IL7: variants seen among roughly 807,000 people sequenced by gnomAD.
The protein encoded by IL7 is interleukin-7.
A neutral mutation model predicts 21.6 loss-of-function variants in IL7; 3 were observed. That is an observed-to-expected ratio of 0.14 (90% confidence interval 0.06 to 0.36). The LOEUF is 0.36. Among genes scored for constraint, IL7 ranks in the 10% least tolerant of loss-of-function variants. The pLI is 1.00. For missense variants in IL7, 175 were observed against 200.2 expected (o/e 0.87, Z 0.76); for synonymous variants, 62 against 68.1 (o/e 0.91, Z 0.44).
chr8:78,803,744 T>G (rs897315953), intron 1 of IL7, among the ~76,000 whole-genome samples: 1 of 152,214 alleles, frequency 6.6e-6, no homozygotes. Context: ...AAAATAGGGT[T>G]GTGCTCAATT....
intron 3 of IL7, among the ~76,000 whole-genome samples, chr8:78,724,417 A>G (rs1000308875): frequency 6.6e-6 from 1 of 151,938 alleles, no homozygotes; most frequent in Non-Finnish European, 1.5e-5. Flanking sequence ...TTAAAGCTTA[A>G]TTTTTTAAAA....
At chr8:78,689,391 A>T in intron 3 of IL7, 1 of 1,548,024 alleles carries the variant, frequency 6.5e-7, no homozygotes. Flanking sequence ...CAGTTTTAAT[A>T]ATTGCTATAA....
chr8:78,788,958 T>A (rs1481046290), intron 2 of IL7, among the ~76,000 whole-genome samples: 1 of 152,162 alleles, frequency 6.6e-6, no homozygotes, highest in East Asian at 1.9e-4. Context: ...TGGCCCTTTA[T>A]TATTATGTAA....
chr8:78,801,239 C>T (rs1814048209), intron 1 of IL7, among the ~76,000 whole-genome samples: 1 of 152,102 alleles, frequency 6.6e-6, no homozygotes. Context: ...TGCATGGCTT[C>T]CTGCAGTTTG....
At chr8:78,772,629 C>T (rs981280668) in intron 2 of IL7, among the ~76,000 whole-genome samples, 11 of 152,096 alleles carry the variant, frequency 7.2e-5, no homozygotes, top group East Asian at 1.9e-4. Flanking sequence ...CCAATTTTAC[C>T]GTAGGTTAAT....
chr8:78,764,105 A>C (rs887844269), intron 2 of IL7, among the ~76,000 whole-genome samples: 29 of 152,184 alleles, frequency 1.9e-4, no homozygotes, highest in Non-Finnish European at 3.7e-4. Flanking sequence ...TCACACAATC[A>C]TATCAATAGA....
At chr8:78,794,705 C>A (rs1294220864) in intron 2 of IL7, among the ~76,000 whole-genome samples, 3 of 152,088 alleles carry the variant, frequency 2.0e-5, no homozygotes, top group Non-Finnish European at 2.9e-5. Flanking sequence ...CCATTTACAT[C>A]TTTTTGTTTC....
chr8:78,684,479 C>T (rs1809893422), intron 4 of IL7, among the ~76,000 whole-genome samples: 1 of 152,100 alleles, frequency 6.6e-6, no homozygotes, highest in South Asian at 2.1e-4. Context: ...CCGAGTACCC[C>T]CATAACAGGT....
At chr8:78,775,437 C>G (rs552890780) in intron 2 of IL7, among the ~76,000 whole-genome samples, 2 of 152,206 alleles carry the variant, frequency 1.3e-5, no homozygotes, top group Admixed American at 1.3e-4. Flanking sequence ...ACTTCTACAT[C>G]AGTGCAATGA....
chr8:78,732,777 A>G lies in IL7; in HGVS notation c.*936T>C, dbSNP rs1427431046. 6.6e-6 allele frequency: 1 copy of G among 152,182 alleles called. No homozygotes were observed. The highest frequency in any genetic ancestry group is 2.4e-5 in the African/African-American group (1 of 41,460). The allele number at this position is 152,182 out of a possible 1,614,324, so 9.4% of individuals were successfully genotyped here. ...ATTAACTGAATCTGGCAGTGTTAATACATAGCTCATTTATTTTATCAAAGG... is the reference window on the plus strand; with the variant it reads ...ATTAACTGAATCTGGCAGTGTTAATGCATAGCTCATTTATTTTATCAAAGG... On this transcript the variant is annotated 3_prime_UTR_variant, in exon 6 of 6. Transcript: ENST00000263851.
chr8:78,759,740 A>G (rs1265877234), intron 2 of IL7, among the ~76,000 whole-genome samples: 1 of 152,202 alleles, frequency 6.6e-6, no homozygotes, highest in Non-Finnish European at 1.5e-5. Context: ...TCAAAGGTCA[A>G]TTGTGGGCTT....
At chr8:78,675,752 A>G (rs1184802395) in exon 5 of IL7, 2 of 1,471,776 alleles carry the variant, frequency 1.4e-6, no homozygotes, top group African/African-American at 1.4e-5. Context: ...ATTTCAAGTT[A>G]TATAAATTAT....
intron 4 of IL7, among the ~76,000 whole-genome samples, chr8:78,680,836 A>G (rs1425398417): frequency 1.3e-5 from 2 of 152,186 alleles, no homozygotes; most frequent in African/African-American, 2.4e-5. Context: ...GAGAGATCTT[A>G]TCAGATAGTA....
chr8:78,799,841 TCTA>T (rs1813991932), intron 1 of IL7, among the ~76,000 whole-genome samples: 1 of 152,150 alleles, frequency 6.6e-6, no homozygotes, highest in Admixed American at 6.5e-5. Flanking sequence ...GCCTCTCTCT[TCTA>T]CTCCTGTTCC....
intron 3 of IL7, among the ~76,000 whole-genome samples, chr8:78,693,710 C>T (rs998540102): frequency 7.9e-5 from 12 of 152,088 alleles, no homozygotes; most frequent in African/African-American, 2.7e-4. Context: ...GTAGTTTCTT[C>T]TGCTGTGCAG....
intron 2 of IL7, among the ~76,000 whole-genome samples, chr8:78,773,389 T>G (rs1813024744): frequency 6.6e-6 from 1 of 152,118 alleles, no homozygotes; most frequent in Non-Finnish European, 1.5e-5. Context: ...ACGAACGGTA[T>G]TGAACAAAGG....
downstream of IL7, among the ~76,000 whole-genome samples, chr8:78,730,077 T>C (rs945343601): frequency 6.6e-6 from 1 of 152,032 alleles, no homozygotes; most frequent in African/African-American, 2.4e-5. Flanking sequence ...TAAATTTTAA[T>C]GTTGCCCCTT....
At chr8:78,767,097 T>C (rs1363442257) in intron 2 of IL7, among the ~76,000 whole-genome samples, 3 of 152,146 alleles carry the variant, frequency 2.0e-5, no homozygotes, top group Non-Finnish European at 4.4e-5. Context: ...TCTGTTCTTA[T>C]CCACTTTCTT....
intron 3 of IL7, 139 bp downstream of exon 3, chr8:78,739,863 G>A: frequency 1.4e-6 from 1 of 703,052 alleles, no homozygotes; most frequent in Non-Finnish European, 2.0e-6. Context: ...TTGGGCCATA[G>A]TATGATTTAA....
Sources: gnomAD v4.1 joint callset for allele counts (sites outside exome capture counted in the v4.1 genomes callset) on GRCh38, gnomAD v4.1.1 for gene constraint, MANE v1.5 for transcripts, NCBI Gene and HGNC (gene_info 2026-07-23, HGNC 2026-07-21) for gene names.